Variants in LRMDA observed in about 807,000 individuals in gnomAD.
LRMDA encodes leucine-rich melanocyte differentiation-associated protein.
In LRMDA, 18 loss-of-function variants were observed where a neutral mutation model predicts 29.8. That is an observed-to-expected ratio of 0.60 (90% confidence interval 0.42 to 0.90). The LOEUF is 0.90. Among genes scored for constraint, LRMDA ranks in the 40% least tolerant of loss-of-function variants. The pLI is 0.00. For missense variants in LRMDA, 273 were observed against 273.9 expected (o/e 1.00, Z 0.02); for synonymous variants, 125 against 109.4 (o/e 1.14, Z -0.89).
chr10:76,382,769 C>G (rs540999249), intron 6 of LRMDA, among the ~76,000 whole-genome samples: 3 of 152,142 alleles, frequency 2.0e-5, no homozygotes, highest in Non-Finnish European at 4.4e-5. Context: ...GACTTTCTTC[C>G]CTCATTGCAC....
rs930374054 is a variant in LRMDA at position 75,667,463 on chromosome 10, C to T, written c.131+228969C>T. 7.9e-5 allele frequency among the ~76,000 whole-genome samples: 12 copies of T among 152,176 alleles called. No homozygotes were observed. In the East Asian group the frequency reaches 1.3e-3, roughly 17 times the overall value. The stretch of plus-strand genomic sequence containing the variant: ...ATAGGCCTGTGCCACAACACTGATA[C>T]ATTTTTAAAAATTATTTTTAGAGAC... On this transcript the variant is annotated intron_variant, in intron 2 of 6. Transcript: ENST00000611255.
Position 76,210,268 on chromosome 10 carries a change from C to T in LRMDA, c.517-114133C>T, listed in dbSNP as rs541266735. ...TTTCAAGCCCTGCTACTACAACAAG[C>T]AGGGGGTGGAGGTGGGGAAGAGGCA... On this transcript the variant is annotated intron_variant, in intron 5 of 6. Transcript: ENST00000611255. Among the ~76,000 whole-genome samples, 13 of 152,206 alleles carry T rather than the reference C, an allele frequency of 8.5e-5. No individual in the cohort carries two copies. In the East Asian group the frequency reaches 2.3e-3, roughly 27 times the overall value.
chr10:75,943,379 C>T (rs1281496363), intron 2 of LRMDA, among the ~76,000 whole-genome samples: 1 of 152,178 alleles, frequency 6.6e-6, no homozygotes, highest in African/African-American at 2.4e-5. Context: ...GATGAGAAAA[C>T]AGAAGCTCAG....
chr10:75,629,370 C>T (rs1841294798), intron 2 of LRMDA, among the ~76,000 whole-genome samples: 1 of 152,164 alleles, frequency 6.6e-6, no homozygotes, highest in African/African-American at 2.4e-5. Flanking sequence ...TCCCCTTCTC[C>T]TTTCTGGATT....
intron 2 of LRMDA, among the ~76,000 whole-genome samples, chr10:75,553,777 G>A (rs942462540): frequency 6.6e-6 from 1 of 151,994 alleles, no homozygotes; most frequent in Admixed American, 6.6e-5. Context: ...ATGAGAGAAG[G>A]GCCTGGGAAG....
At chr10:76,253,511 AAG>A (rs1463709918) in intron 5 of LRMDA, among the ~76,000 whole-genome samples, 1 of 149,918 alleles carries the variant, frequency 6.7e-6, no homozygotes, top group East Asian at 2.0e-4. Context: ...GGGAGTGGAG[AAG>A]AGAGGGGGAG....
chr10:76,534,183 G>GA (rs1291982771), intron 6 of LRMDA, among the ~76,000 whole-genome samples: 3 of 152,118 alleles, frequency 2.0e-5, no homozygotes, highest in East Asian at 1.9e-4. Flanking sequence ...GGAAGAATGT[G>GA]AAAAAATGTA....
rs963126050 is a variant in LRMDA at position 76,092,329 on chromosome 10, C to T, written c.516+33546C>T. ...GCAGGATCTGCTTAGCACAGCTTTC[C>T]GGTGCTTAGATCCTAATTACAAATG... is the stretch of plus-strand genomic sequence containing the variant. On this transcript the variant is annotated intron_variant, in intron 5 of 6. Transcript: ENST00000611255. 7.9e-5 allele frequency among the ~76,000 whole-genome samples: 12 copies of T among 152,258 alleles called. No individual in the cohort carries two copies. The South Asian group carries it at 1.2e-3, about 16-fold the overall frequency.
intron 5 of LRMDA, among the ~76,000 whole-genome samples, chr10:76,287,126 C>T (rs1028038768): frequency 6.6e-6 from 1 of 152,150 alleles, no homozygotes; most frequent in Non-Finnish European, 1.5e-5. Flanking sequence ...CCTCTTATCC[C>T]TAAGGGATTT....
At chr10:76,464,342 A>G (rs1360106566) in intron 6 of LRMDA, among the ~76,000 whole-genome samples, 1 of 152,122 alleles carries the variant, frequency 6.6e-6, no homozygotes, top group Non-Finnish European at 1.5e-5. Context: ...TGTGTTGGGA[A>G]CTGCAATTGT....
chr10:76,074,385 A>G (rs1234739868), intron 5 of LRMDA, among the ~76,000 whole-genome samples: 2 of 151,856 alleles, frequency 1.3e-5, no homozygotes, highest in Non-Finnish European at 2.9e-5. Flanking sequence ...ATTAACATCT[A>G]CCTCCTTCTT....
chr10:76,493,025 G>A (rs1842848961), intron 6 of LRMDA, among the ~76,000 whole-genome samples: 2 of 151,960 alleles, frequency 1.3e-5, no homozygotes, highest in South Asian at 2.1e-4. Context: ...CCACTACCTG[G>A]TTACCACATG....
At chr10:75,541,352 A>G (rs558358343) in intron 2 of LRMDA, among the ~76,000 whole-genome samples, 5 of 152,018 alleles carry the variant, frequency 3.3e-5, no homozygotes, top group Non-Finnish European at 5.9e-5. Context: ...TGTTATGGGA[A>G]TATTTGTTTT....
intron 5 of LRMDA, among the ~76,000 whole-genome samples, chr10:76,182,162 G>A (rs1007285309): frequency 2.0e-5 from 3 of 152,102 alleles, no homozygotes; most frequent in African/African-American, 7.2e-5. Context: ...GTTCCATGTG[G>A]CTGGGGAGGC....
intron 2 of LRMDA, among the ~76,000 whole-genome samples, chr10:75,746,783 C>A (rs1369103477): frequency 6.6e-6 from 1 of 151,624 alleles, no homozygotes; most frequent in Non-Finnish European, 1.5e-5. Flanking sequence ...ACAATTAGGA[C>A]ACATCCTAAA....
intron 5 of LRMDA, among the ~76,000 whole-genome samples, chr10:76,150,230 C>T (rs1717388282): frequency 6.6e-6 from 1 of 152,238 alleles, no homozygotes; most frequent in South Asian, 2.1e-4. Context: ...AGTGCTAAAG[C>T]CTAGCCCAGG....
At chr10:76,237,947 C>G (rs767144192) in intron 5 of LRMDA, among the ~76,000 whole-genome samples, 2 of 151,886 alleles carry the variant, frequency 1.3e-5, no homozygotes, top group African/African-American at 2.4e-5. Flanking sequence ...CGTGCCACCA[C>G]GCCTGGCTAA....
At chr10:76,329,061 G>A (rs1232524766) in intron 6 of LRMDA, among the ~76,000 whole-genome samples, 1 of 152,144 alleles carries the variant, frequency 6.6e-6, no homozygotes, top group Non-Finnish European at 1.5e-5. Context: ...GGATTCTCAC[G>A]TTCACCTGGA....
At chr10:76,104,165 T>G (rs1849441871) in intron 5 of LRMDA, among the ~76,000 whole-genome samples, 1 of 152,108 alleles carries the variant, frequency 6.6e-6, no homozygotes, top group African/African-American at 2.4e-5. Flanking sequence ...GTGTGTTTGT[T>G]GAATGTCTGT....
Sources: gnomAD v4.1 joint callset for allele counts (sites outside exome capture counted in the v4.1 genomes callset) on GRCh38, gnomAD v4.1.1 for gene constraint, MANE v1.5 for transcripts, NCBI Gene and HGNC (gene_info 2026-07-23, HGNC 2026-07-21) for gene names.